SIDT1: variants seen among roughly 807,000 people sequenced by gnomAD.
SIDT1 encodes SID1 transmembrane family, member 1.
SIDT1 carries 101 observed loss-of-function variants against 107.5 expected under a neutral mutation model. The observed-to-expected ratio is 0.94, with a 90% CI of 0.80 to 1.11. SIDT1 has a LOEUF of 1.11. Ranked by LOEUF, SIDT1 falls within the 50% of genes least tolerant of loss-of-function variation. The pLI is 0.00. For missense variants in SIDT1, 1,076 were observed against 1,058.2 expected (o/e 1.02, Z -0.23); for synonymous variants, 395 against 398.2 (o/e 0.99, Z 0.10).
intron 19 of SIDT1, among the ~76,000 whole-genome samples, chr3:113,614,885 C>T (rs1464588243): frequency 2.0e-5 from 3 of 152,186 alleles, no homozygotes; most frequent in African/African-American, 7.2e-5. Flanking sequence ...ATGTTTGAGA[C>T]AAGCAGAAAG....
intron 3 of SIDT1, among the ~76,000 whole-genome samples, chr3:113,568,555 C>G (rs1369453956): frequency 2.0e-5 from 3 of 149,800 alleles, no homozygotes; most frequent in Admixed American, 6.7e-5. Flanking sequence ...GATCGCGCCA[C>G]TGCACCCCAG....
chr3:113,582,412 G>T (rs574665890), intron 6 of SIDT1, among the ~76,000 whole-genome samples: 3 of 152,046 alleles, frequency 2.0e-5, no homozygotes, highest in Non-Finnish European at 4.4e-5. Flanking sequence ...TTTCTGTCAG[G>T]CTTTAATTTT....
chr3:113,636,434 A>C, the SIDT1 span, among the ~76,000 whole-genome samples: 26 of 152,076 alleles, frequency 1.7e-4, no homozygotes, highest in Non-Finnish European at 3.5e-4. Flanking sequence ...ATTTAAAGTG[A>C]ATTTGCACAT....
At chr3:113,633,391 A>C (rs1226116948), downstream of SIDT1, among the ~76,000 whole-genome samples, 1 of 152,188 alleles carries the variant, frequency 6.6e-6, no homozygotes, top group African/African-American at 2.4e-5. Flanking sequence ...ATGTGGATGG[A>C]ACATTCAGGA....
chr3:113,571,671 C>T (rs776338774), intron 3 of SIDT1, among the ~76,000 whole-genome samples: 2 of 152,188 alleles, frequency 1.3e-5, no homozygotes, highest in African/African-American at 2.4e-5. Context: ...GAAATTTAAA[C>T]GTCTGTAATC....
At chr3:113,618,938 C>A (rs556939576) in intron 20 of SIDT1, among the ~76,000 whole-genome samples, 8 of 152,280 alleles carry the variant, frequency 5.3e-5, no homozygotes, top group Middle Eastern at 6.8e-3. Context: ...TCTTCTCGGG[C>A]CTCAGCCTCT....
intron 21 of SIDT1, among the ~76,000 whole-genome samples, chr3:113,620,801 G>A (rs140575930): frequency 7.9e-5 from 12 of 152,288 alleles, no homozygotes; most frequent in African/African-American, 2.9e-4. Context: ...AGAGGGCAAT[G>A]GGAGGAGAAA....
chr3:113,575,940 G>C (rs1053391201), intron 3 of SIDT1, among the ~76,000 whole-genome samples: 1 of 152,188 alleles, frequency 6.6e-6, no homozygotes, highest in Admixed American at 6.5e-5. Flanking sequence ...CGCACTCCCA[G>C]GTGCAGCGTT....
intron 14 of SIDT1, 93 bp from the exon 15 acceptor site, chr3:113,606,948 A>C (rs903579974): frequency 1.3e-6 from 1 of 788,756 alleles, no homozygotes; most frequent in South Asian, 1.5e-5. Context: ...GTGACAGTGC[A>C]TCTCCGTGAG....
At chr3:113,594,937 G>C (rs1172521336) in intron 10 of SIDT1, 4 of 154,354 alleles carry the variant, frequency 2.6e-5, no homozygotes, top group Non-Finnish European at 4.4e-5. Flanking sequence ...CAGTGACATG[G>C]GTCAAGGCTC....
intron 24 of SIDT1, among the ~76,000 whole-genome samples, chr3:113,626,672 G>T (rs113853553): frequency 1.4e-3 from 212 of 152,234 alleles, no homozygotes; most frequent in African/African-American, 4.7e-3. Flanking sequence ...CCACGTGTCT[G>T]TTGCCTTCTG....
downstream of SIDT1, among the ~76,000 whole-genome samples, chr3:113,631,294 C>T (rs967829277): frequency 7.9e-5 from 12 of 152,134 alleles, no homozygotes; most frequent in African/African-American, 2.9e-4. Context: ...TTCTGTAGGG[C>T]AAGCTTGCAT....
chr3:113,603,332 TC>T (rs1413470407), intron 12 of SIDT1, among the ~76,000 whole-genome samples, 182 bp downstream of exon 12: 2 of 152,176 alleles, frequency 1.3e-5, no homozygotes, highest in African/African-American at 4.8e-5. Context: ...CACTTTTTTT[TC>T]TCGCGGAAGA....
chr3:113,626,474 T>G lies in SIDT1; in HGVS notation c.2421+259T>G, dbSNP rs1946858916. ...ACTTTCCCTAAGTTGCACAGCACGT[T>G]TGTTCTGAATTGGTTATTAGACCCA... is the stretch of plus-strand genomic sequence containing the variant. On this transcript the variant is annotated intron_variant, in intron 24 of 24. Transcript: ENST00000264852. 2.0e-5 allele frequency among the ~76,000 whole-genome samples: 3 copies of G among 152,322 alleles called. No individual in the cohort carries two copies. In the South Asian group the frequency reaches 6.2e-4, roughly 32 times the overall value.
At position 113,612,087 on chromosome 3, in the gene SIDT1, TGTTTGGAAAAAATGAC is replaced by T; in HGVS notation, c.1862_1877del (p.Phe621TyrfsTer16). On this transcript the variant is annotated frameshift_variant and splice_region_variant, in exon 19 of 25. Coordinates refer to ENST00000264852, the MANE Select transcript of SIDT1 (RefSeq NM_017699.3). LOFTEE classifies it high-confidence loss of function. ...GGTAACTTCCATCTTTACTCCTAGG[TGTTTGGAAAAAATGAC>T]GTATGGTTCTGGGTCATCTTCTCTG... 6.2e-7 allele frequency: 1 copy of T among 1,613,066 alleles called. No individual in the cohort carries two copies. Among genetic ancestry groups the T allele is most frequent in the Non-Finnish European group, 8.5e-7 (1 of 1,179,178 alleles).
intron 10 of SIDT1, among the ~76,000 whole-genome samples, chr3:113,598,332 GC>G (rs1944718969): frequency 6.6e-6 from 1 of 152,192 alleles, no homozygotes; most frequent in Non-Finnish European, 1.5e-5. Flanking sequence ...TTGTTCACTT[GC>G]TTTGATTTTA....
intron 1 of SIDT1, among the ~76,000 whole-genome samples, chr3:113,534,890 AC>A (rs1937930532): frequency 6.6e-6 from 1 of 152,148 alleles, no homozygotes; most frequent in East Asian, 1.9e-4. Flanking sequence ...CACCTGGTTG[AC>A]TTCCCTAGTA....
At chr3:113,544,023 A>G (rs1939256147) in intron 1 of SIDT1, among the ~76,000 whole-genome samples, 1 of 152,196 alleles carries the variant, frequency 6.6e-6, no homozygotes, top group Non-Finnish European at 1.5e-5. Flanking sequence ...ACTATTTTAT[A>G]TAACTTAGTC....
chr3:113,632,626 C>T (rs1947101424), downstream of SIDT1: 1 of 152,138 alleles, frequency 6.6e-6, no homozygotes, highest in African/African-American at 2.4e-5. Context: ...CTTTAGTAAA[C>T]AGTCATGAAA....
Sources: allele counts gnomAD v4.1 joint callset (sites outside exome capture counted in the v4.1 genomes callset), GRCh38; gene constraint gnomAD v4.1.1; transcripts MANE v1.5; gene names NCBI Gene and HGNC (gene_info 2026-07-23, HGNC 2026-07-21).